The following DOCK4 variants were observed in gnomAD, a reference collection of about 807,000 sequenced individuals.
The protein encoded by DOCK4 is dedicator of cytokinesis 4.
Under a neutral mutation model 268.1 loss-of-function variants are expected in DOCK4, and 97 were observed. That is an observed-to-expected ratio of 0.36 (90% CI 0.31 to 0.43). The LOEUF (loss-of-function observed/expected upper bound fraction) is 0.43. Among genes scored for constraint, DOCK4 ranks in the 20% least tolerant of loss-of-function variants. The pLI, the probability that DOCK4 is intolerant of heterozygous loss-of-function variation, is 1.00. For missense variants in DOCK4, 2,145 were observed against 2,455.7 expected, an observed-to-expected ratio of 0.87 and a Z score of 2.67; for synonymous variants, 954 against 887.2, an observed-to-expected ratio of 1.08 and a Z score of -1.34.
At chr7:112,084,248 T>C (rs939574912) in intron 1 of DOCK4, among the ~76,000 whole-genome samples, 9 of 152,200 alleles carry the variant, frequency 5.9e-5, no homozygotes, top group Admixed American at 1.3e-4. Flanking sequence ...TTGATTTTTA[T>C]GGAGCAACAG....
chr7:111,750,104 T>C (rs1335348012), intron 42 of DOCK4, among the ~76,000 whole-genome samples: 2 of 152,302 alleles, frequency 1.3e-5, no homozygotes, highest in East Asian at 3.9e-4. Flanking sequence ...ATTGGAGAAA[T>C]AGCTGCTTTC....
chr7:111,817,043 A>T (rs1301993526), intron 27 of DOCK4, among the ~76,000 whole-genome samples: 1 of 152,150 alleles, frequency 6.6e-6, no homozygotes, highest in East Asian at 1.9e-4. Flanking sequence ...ACTGGTGGAA[A>T]ATCACTCATA....
At chr7:112,111,563 A>G (rs1021900245) in intron 1 of DOCK4, among the ~76,000 whole-genome samples, 1 of 151,944 alleles carries the variant, frequency 6.6e-6, no homozygotes, top group African/African-American at 2.4e-5. Context: ...CTAGACAGTA[A>G]TTTCTATTTT....
chr7:112,165,409 T>A (rs776113192), intron 1 of DOCK4, among the ~76,000 whole-genome samples: 8 of 152,088 alleles, frequency 5.3e-5, no homozygotes, highest in Non-Finnish European at 1.2e-4. Context: ...TATGAGAACA[T>A]GCGGAATCTG....
intron 1 of DOCK4, among the ~76,000 whole-genome samples, chr7:112,069,142 G>T (rs184639887): frequency 6.6e-6 from 1 of 152,300 alleles, no homozygotes; most frequent in Admixed American, 6.5e-5. Context: ...AGTACTGCCA[G>T]ACAGTGATGG....
chr7:111,830,415 G>A (rs1802732184), intron 26 of DOCK4, among the ~76,000 whole-genome samples: 1 of 148,346 alleles, frequency 6.7e-6, no homozygotes, highest in African/African-American at 2.6e-5. Context: ...GACAGAGCGA[G>A]ACTCATTCTC....
chr7:112,108,089 C>T (rs962866734), intron 1 of DOCK4, among the ~76,000 whole-genome samples: 8 of 152,168 alleles, frequency 5.3e-5, no homozygotes, highest in Non-Finnish European at 1.0e-4. Context: ...GAAAAACACA[C>T]ACAAAAGTTC....
chr7:111,839,777 T>C (rs1803527803), intron 25 of DOCK4, among the ~76,000 whole-genome samples: 1 of 152,222 alleles, frequency 6.6e-6, no homozygotes, highest in Non-Finnish European at 1.5e-5. Context: ...ATTTTATCCA[T>C]AATGTAATTT....
At chr7:111,860,266 T>C (rs186937711) in intron 23 of DOCK4, among the ~76,000 whole-genome samples, 1 of 152,332 alleles carries the variant, frequency 6.6e-6, no homozygotes, top group African/African-American at 2.4e-5. Context: ...CACGTTTCCC[T>C]AGCAGTATTG....
intron 44 of DOCK4, among the ~76,000 whole-genome samples, chr7:111,742,454 C>T (rs1795982150): frequency 6.6e-6 from 1 of 152,096 alleles, no homozygotes; most frequent in Admixed American, 6.6e-5. Flanking sequence ...TTGGCCCCTT[C>T]CTTCTCTCCC....
intron 17 of DOCK4, among the ~76,000 whole-genome samples, chr7:111,873,833 C>A (rs368972941): frequency 2.0e-5 from 3 of 151,666 alleles, no homozygotes; most frequent in African/African-American, 7.3e-5. Flanking sequence ...GCAACAAACA[C>A]GGGTAAGAGG....
chr7:111,747,584 A>G, intron 42 of DOCK4, 141 bp from the exon 43 acceptor site: 2 of 802,276 alleles, frequency 2.5e-6, no homozygotes, highest in Non-Finnish European at 3.8e-6. Context: ...TCCGTAGAAT[A>G]GACAAGGATG....
chr7:112,187,840 G>A (rs1045535681), intron 1 of DOCK4, among the ~76,000 whole-genome samples: 1 of 151,910 alleles, frequency 6.6e-6, no homozygotes, highest in Non-Finnish European at 1.5e-5. Flanking sequence ...ACAGCTAAGT[G>A]CAATATTATA....
chr7:112,011,746 CA>C (rs1302082225), intron 1 of DOCK4, among the ~76,000 whole-genome samples: 7 of 56,374 alleles, frequency 1.2e-4, no homozygotes, highest in South Asian at 5.2e-4. Flanking sequence ...AACTGAAGGT[CA>C]AAAAAAAAAC....
chr7:111,992,310 C>T (rs532748379), intron 5 of DOCK4, among the ~76,000 whole-genome samples: 5 of 152,200 alleles, frequency 3.3e-5, no homozygotes, highest in Admixed American at 1.3e-4. Context: ...TTGGAAAAGA[C>T]GATGGACAAT....
In DOCK4 at chr7:111,728,486, T is replaced by TC; in HGVS notation, c.5715dup (p.Ser1906GlufsTer55). 6.2e-7 allele frequency: 1 copy of TC among 1,612,894 alleles called. No individual in the cohort carries two copies. Among genetic ancestry groups the TC allele is most frequent in the Non-Finnish European group, 8.5e-7 (1 of 1,179,612 alleles). On this transcript the variant is annotated frameshift_variant, in exon 53 of 53. Coordinates refer to ENST00000428084, the MANE Select transcript of DOCK4 (RefSeq NM_001363540.2). LOFTEE classifies it high-confidence loss of function. ...ACGCTGTACGGGGGCGGAGTCTTGC[T>TC]CTCCTTGCGCACTGGCTCCTCCCCG... is the stretch of plus-strand genomic sequence containing the variant.
intron 25 of DOCK4, among the ~76,000 whole-genome samples, chr7:111,836,573 T>C (rs995454691): frequency 2.0e-5 from 3 of 152,028 alleles, no homozygotes; most frequent in South Asian, 2.1e-4. Context: ...AGAAATGACA[T>C]AGATAATAGA....
intron 6 of DOCK4, among the ~76,000 whole-genome samples, chr7:111,986,193 G>C (rs1449774097): frequency 1.3e-5 from 2 of 152,148 alleles, no homozygotes; most frequent in African/African-American, 4.8e-5. Context: ...TTAGACATTG[G>C]CTGTCAATAA....
intron 23 of DOCK4, among the ~76,000 whole-genome samples, chr7:111,860,002 C>G (rs1033058453): frequency 6.6e-6 from 1 of 152,152 alleles, no homozygotes; most frequent in African/African-American, 2.4e-5. Flanking sequence ...CTTCTTTCCC[C>G]TCCAGTCAGA....
Sources: allele counts gnomAD v4.1 joint callset (sites outside exome capture counted in the v4.1 genomes callset), GRCh38; gene constraint gnomAD v4.1.1; transcripts MANE v1.5; gene names NCBI Gene and HGNC (gene_info 2026-07-23, HGNC 2026-07-21).